Variants in MAD1L1 observed in about 807,000 individuals in gnomAD.
MAD1L1 encodes mitotic arrest deficient 1 like 1.
A neutral mutation model predicts 96.9 loss-of-function variants in MAD1L1; 95 were observed. That is an observed-to-expected ratio of 0.98 (90% CI 0.83 to 1.16). The LOEUF is 1.16. MAD1L1 is among the 50% of genes most tolerant of loss of function. The pLI, the probability that MAD1L1 is intolerant of heterozygous loss-of-function variation, is 0.00. For synonymous variants in MAD1L1, 473 were observed against 396.6 expected, an observed-to-expected ratio of 1.19 and a Z score of -2.29; for missense variants, 1,007 against 954.4, an observed-to-expected ratio of 1.06 and a Z score of -0.73.
chr7:1,882,607 ACCT>A (rs1785754213), intron 18 of MAD1L1, among the ~76,000 whole-genome samples: 1 of 152,008 alleles, frequency 6.6e-6, no homozygotes, highest in Admixed American at 6.5e-5. Flanking sequence ...GGTCCTGCTC[ACCT>A]CCTTTCCTCA....
chr7:2,125,661 C>A (rs1788198793), intron 11 of MAD1L1, among the ~76,000 whole-genome samples: 1 of 152,196 alleles, frequency 6.6e-6, no homozygotes, highest in South Asian at 2.1e-4. Flanking sequence ...GGCAGTGAGC[C>A]ACTGGCCCTC....
chr7:1,940,413 C>T (rs536380645), intron 16 of MAD1L1: 7 of 152,230 alleles, frequency 4.6e-5, no homozygotes, highest in African/African-American at 7.2e-5. Flanking sequence ...TTTTCACAGC[C>T]GGGGTTAAGA....
intron 11 of MAD1L1, among the ~76,000 whole-genome samples, chr7:2,131,011 A>T (rs1325857458): frequency 2.0e-5 from 3 of 152,316 alleles, no homozygotes; most frequent in African/African-American, 7.2e-5. Context: ...ACTGACTTCC[A>T]TTCTTTGGAA....
chr7:2,116,992 A>C (rs1787737786), intron 11 of MAD1L1, among the ~76,000 whole-genome samples: 1 of 152,218 alleles, frequency 6.6e-6, no homozygotes, highest in African/African-American at 2.4e-5. Flanking sequence ...ACCCGAAGAC[A>C]AGGAAACCCG....
At chr7:2,187,178 T>C (rs962063597) in intron 10 of MAD1L1, among the ~76,000 whole-genome samples, 1 of 151,768 alleles carries the variant, frequency 6.6e-6, no homozygotes, top group African/African-American at 2.4e-5. Flanking sequence ...CAAAACCTCA[T>C]CTCTACCAAA....
At chr7:1,953,632 G>A (rs1327622891) in intron 16 of MAD1L1, among the ~76,000 whole-genome samples, 2 of 152,270 alleles carry the variant, frequency 1.3e-5, no homozygotes, top group African/African-American at 2.4e-5. Flanking sequence ...ATAAAGTGGC[G>A]CGGCGGCTGG....
chr7:2,013,432 C>T lies in MAD1L1; in HGVS notation c.1359+1070G>A, dbSNP rs541764595. On this transcript the variant is annotated intron_variant, in intron 13 of 18. Transcript: ENST00000265854. ...TGCTCGCAGACACCACAGGCCCAGG[C>T]CCTCTGAGATGTGGCCTGGCGGTGT... Among the ~76,000 whole-genome samples, 360 of 152,396 alleles carry T rather than the reference C, an allele frequency of 2.4e-3. 2 individuals carry two copies. The highest frequency in any genetic ancestry group is 3.5e-3 in the Non-Finnish European group (236 of 68,040).
intron 18 of MAD1L1, among the ~76,000 whole-genome samples, chr7:1,822,262 T>G (rs889415067): frequency 6.6e-6 from 1 of 151,994 alleles, no homozygotes; most frequent in African/African-American, 2.4e-5. Flanking sequence ...AAAACTTGTA[T>G]AGTGTCTGTT....
intron 18 of MAD1L1, among the ~76,000 whole-genome samples, chr7:1,888,385 CGTGT>C (rs1211918419): frequency 1.1e-5 from 1 of 94,076 alleles, no homozygotes; most frequent in East Asian, 3.0e-4. Flanking sequence ...GCTGCCTATG[CGTGT>C]GTGTGCATGC....
intron 17 of MAD1L1, among the ~76,000 whole-genome samples, chr7:1,917,199 T>C (rs1330481873): frequency 6.6e-6 from 1 of 152,160 alleles, no homozygotes; most frequent in Non-Finnish European, 1.5e-5. Flanking sequence ...GGCTTGGCGC[T>C]GGGGTCCAGC....
intron 15 of MAD1L1, among the ~76,000 whole-genome samples, chr7:1,967,996 AG>A: frequency 6.6e-6 from 1 of 152,326 alleles, no homozygotes; most frequent in East Asian, 1.9e-4. Flanking sequence ...AACTCCCTCC[AG>A]TCCACACTGC....
At chr7:2,188,737 AAAAC>A (rs1423551793) in intron 10 of MAD1L1, among the ~76,000 whole-genome samples, 4 of 152,318 alleles carry the variant, frequency 2.6e-5, no homozygotes, top group African/African-American at 9.6e-5. Flanking sequence ...CTCTTAGAAA[AAAAC>A]AGGGGAGAAG....
At chr7:2,059,086 G>GAA (rs1456419798) in intron 12 of MAD1L1, among the ~76,000 whole-genome samples, 4 of 103,308 alleles carry the variant, frequency 3.9e-5, no homozygotes, top group Admixed American at 1.8e-4. Flanking sequence ...AGTGTGGCCA[G>GAA]GAGAGAAGCA....
chr7:1,979,336 G>A (rs559592487), intron 15 of MAD1L1, among the ~76,000 whole-genome samples: 1 of 152,340 alleles, frequency 6.6e-6, no homozygotes, highest in African/African-American at 2.4e-5. Context: ...TGGATGCCCA[G>A]GGCCTGGCCT....
intron 18 of MAD1L1, among the ~76,000 whole-genome samples, chr7:1,839,460 G>T (rs1783122880): frequency 6.6e-6 from 1 of 151,916 alleles, no homozygotes; most frequent in Admixed American, 6.5e-5. Context: ...GGACAAGCTG[G>T]GCCTGGGGCG....
At chr7:1,867,422 A>G (rs1276433713) in intron 18 of MAD1L1, among the ~76,000 whole-genome samples, 1 of 152,212 alleles carries the variant, frequency 6.6e-6, no homozygotes, top group Non-Finnish European at 1.5e-5. Context: ...GGTCTGGATG[A>G]GGCGGTGGCA....
At chr7:1,952,318 C>T (rs1011742285) in intron 16 of MAD1L1, among the ~76,000 whole-genome samples, 16 of 152,324 alleles carry the variant, frequency 1.1e-4, no homozygotes, top group South Asian at 1.0e-3. Flanking sequence ...TCAGCCTCCC[C>T]GGCGGCCCGG....
chr7:2,032,772 G>T (rs1336370354), intron 12 of MAD1L1, among the ~76,000 whole-genome samples: 1 of 152,234 alleles, frequency 6.6e-6, no homozygotes, highest in Middle Eastern at 3.2e-3. Flanking sequence ...AGTGGTGAGG[G>T]GGGTGGCGCC....
At chr7:2,149,726 T>C (rs944479310) in intron 10 of MAD1L1, among the ~76,000 whole-genome samples, 9 of 152,220 alleles carry the variant, frequency 5.9e-5, no homozygotes, top group African/African-American at 2.2e-4. Context: ...AACCCTGTTG[T>C]TCACCGTTTC....
Sources: gnomAD v4.1 joint callset for allele counts (sites outside exome capture counted in the v4.1 genomes callset) on GRCh38, gnomAD v4.1.1 for gene constraint, MANE v1.5 for transcripts, NCBI Gene and HGNC (gene_info 2026-07-23, HGNC 2026-07-21) for gene names.